Variants in CDH13 observed in about 807,000 individuals in gnomAD.
CDH13 encodes the protein cadherin-13.
Under a neutral mutation model 63.8 loss-of-function variants are expected in CDH13, and 24 were observed. The observed-to-expected ratio is 0.38, with a 90% CI of 0.27 to 0.53. The LOEUF (loss-of-function observed/expected upper bound fraction) is 0.53. Among genes scored for constraint, CDH13 ranks in the 20% least tolerant of loss-of-function variants. The pLI is 0.85. For missense variants in CDH13, 1,049 were observed against 903.1 expected (o/e 1.16, Z -2.07); for synonymous variants, 503 against 355.3 (o/e 1.42, Z -4.67).
Position 83,203,219 on chromosome 16 carries a change from C to T in CDH13, c.484-14126C>T, listed in dbSNP as rs748932762. On this transcript the variant is annotated intron_variant, in intron 4 of 13. Coordinates refer to ENST00000567109, the MANE Select transcript of CDH13 (RefSeq NM_001257.5). ...AGCCTGGGCAACAAGAGCAAAACCC[C>T]GTCTCAAAAAACAAACAAACAAAAA... Among the ~76,000 whole-genome samples, 9 of 151,876 alleles carry T rather than the reference C, an allele frequency of 5.9e-5. 1 individual carries two copies. Among genetic ancestry groups the T allele is most frequent in the Middle Eastern group, 6.8e-3 (2 of 294 alleles).
rs10527714 is a variant in CDH13, at chr16:82,909,252, A to ATGTGTGTGTGTGTG, written c.157+50807_157+50820dup. Among the ~76,000 whole-genome samples, 1,340 of 146,912 alleles carry ATGTGTGTGTGTGTG rather than the reference A, an allele frequency of 9.1e-3. 17 individuals carry two copies. The highest frequency in any genetic ancestry group is 0.025 in the African/African-American group (1,015 of 39,896). On this transcript the variant is annotated intron_variant, in intron 2 of 13. Transcript: ENST00000567109. ...CACAGAAACTGAGGACTGACTGTAT[A>ATGTGTGTGTGTGTG]TGTGTGTGTGTGTGTGTGTGTGTGT...
chr16:82,963,892 C>G (rs975584701), intron 2 of CDH13, among the ~76,000 whole-genome samples: 2 of 152,178 alleles, frequency 1.3e-5, no homozygotes, highest in East Asian at 1.9e-4. Flanking sequence ...AAAGCCAGGT[C>G]GGAGAATAGA....
intron 7 of CDH13, among the ~76,000 whole-genome samples, chr16:83,494,381 G>T (rs904644526): frequency 1.8e-4 from 28 of 152,272 alleles, no homozygotes; most frequent in African/African-American, 6.7e-4. Flanking sequence ...AGATTTTCCA[G>T]TTATTGAACT....
At chr16:83,086,104 C>T (rs774480955) in intron 3 of CDH13, among the ~76,000 whole-genome samples, 3 of 152,138 alleles carry the variant, frequency 2.0e-5, no homozygotes, top group Non-Finnish European at 2.9e-5. Context: ...AAGATGGTGG[C>T]CTAAGTGCAA....
intron 6 of CDH13, among the ~76,000 whole-genome samples, chr16:83,389,065 G>A (rs2091734405): frequency 6.6e-6 from 1 of 152,306 alleles, no homozygotes; most frequent in East Asian, 1.9e-4. Flanking sequence ...GGCTTAACAT[G>A]TGCCCCAGTG....
chr16:82,751,264 G>T (rs1018264270), intron 1 of CDH13, among the ~76,000 whole-genome samples: 2 of 152,190 alleles, frequency 1.3e-5, no homozygotes, highest in African/African-American at 4.8e-5. Flanking sequence ...GAGGGCCCAT[G>T]CGTGCGAGTT....
At chr16:82,661,615 C>G (rs371429674) in intron 1 of CDH13, among the ~76,000 whole-genome samples, 4 of 152,192 alleles carry the variant, frequency 2.6e-5, no homozygotes, top group African/African-American at 9.7e-5. Flanking sequence ...CTGTGCAACT[C>G]CAAAAGGATG....
At chr16:82,987,365 G>GT (rs1314860247) in intron 2 of CDH13, among the ~76,000 whole-genome samples, 3 of 151,866 alleles carry the variant, frequency 2.0e-5, no homozygotes, top group Non-Finnish European at 2.9e-5. Flanking sequence ...GTTTTGTTTT[G>GT]TTTGTTTGTT....
chr16:82,785,351 A>G (rs1212473951), intron 1 of CDH13, among the ~76,000 whole-genome samples: 3 of 152,168 alleles, frequency 2.0e-5, no homozygotes, highest in Admixed American at 6.5e-5. Context: ...CTGCAGTTTT[A>G]TGGCCTTCTT....
intron 1 of CDH13, among the ~76,000 whole-genome samples, chr16:82,720,023 A>C (rs1437110474): frequency 6.6e-6 from 1 of 152,216 alleles, no homozygotes; most frequent in Non-Finnish European, 1.5e-5. Flanking sequence ...GGTCACAAAA[A>C]CATTACCAAA....
At chr16:83,434,192 A>G (rs529899618) in intron 6 of CDH13, among the ~76,000 whole-genome samples, 16 of 152,258 alleles carry the variant, frequency 1.1e-4, no homozygotes, top group African/African-American at 3.9e-4. Flanking sequence ...ATTGTCCAGC[A>G]TCTCAACGAA....
chr16:83,099,996 C>G (rs751557302), intron 3 of CDH13, among the ~76,000 whole-genome samples: 5 of 152,124 alleles, frequency 3.3e-5, no homozygotes, highest in Non-Finnish European at 5.9e-5. Flanking sequence ...CATGCAGTCA[C>G]AATCTCTGTT....
intron 1 of CDH13, among the ~76,000 whole-genome samples, 176 bp downstream of exon 1, chr16:82,627,313 C>G (rs1045149008): frequency 2.0e-5 from 3 of 150,454 alleles, no homozygotes; most frequent in African/African-American, 7.3e-5. Context: ...GCACCCCCCA[C>G]ACACAGGCTC....
At chr16:83,497,988 C>G (rs996718904) in intron 7 of CDH13, among the ~76,000 whole-genome samples, 1 of 152,244 alleles carries the variant, frequency 6.6e-6, no homozygotes, top group Admixed American at 6.5e-5. Context: ...CATTAAGAAA[C>G]AGGCAACCTC....
rs377201603 is a variant in CDH13 at position 83,037,347 on chromosome 16, C to A, written c.366+5129C>A. On this transcript the variant is annotated intron_variant, in intron 3 of 13. Coordinates refer to ENST00000567109, the MANE Select transcript of CDH13 (RefSeq NM_001257.5). ...AATGAGATTGAAATTCTGGCCTCTG[C>A]CTAAATACCCATTCTCCTTCCTGCC... Among the ~76,000 whole-genome samples, 57 of 152,254 alleles carry A rather than the reference C, an allele frequency of 3.7e-4. 1 individual carries two copies. The highest frequency in any genetic ancestry group is 1.3e-3 in the African/African-American group (54 of 41,546).
intron 10 of CDH13, among the ~76,000 whole-genome samples, chr16:83,701,040 C>A (rs1906143477): frequency 6.6e-6 from 1 of 152,158 alleles, no homozygotes; most frequent in African/African-American, 2.4e-5. Context: ...TGGCCCTGAG[C>A]TGGGGGATTC....
At chr16:83,118,165 A>T (rs571608448) in intron 3 of CDH13, among the ~76,000 whole-genome samples, 1 of 152,228 alleles carries the variant, frequency 6.6e-6, no homozygotes, top group Non-Finnish European at 1.5e-5. Flanking sequence ...TGTGGGGGGA[A>T]TCCCACAAGT....
At chr16:82,884,938 C>T (rs1208156260) in intron 2 of CDH13, among the ~76,000 whole-genome samples, 1 of 152,168 alleles carries the variant, frequency 6.6e-6, no homozygotes, top group Non-Finnish European at 1.5e-5. Flanking sequence ...AAAGCTCTTT[C>T]TTTTGGGGAG....
At chr16:83,490,200 C>G (rs1275197561) in intron 7 of CDH13, among the ~76,000 whole-genome samples, 1 of 152,148 alleles carries the variant, frequency 6.6e-6, no homozygotes, top group East Asian at 1.9e-4. Context: ...TCCATTTAGT[C>G]AATTTCCTTT....
Sources: allele counts gnomAD v4.1 joint callset (sites outside exome capture counted in the v4.1 genomes callset), GRCh38; gene constraint gnomAD v4.1.1; transcripts MANE v1.5; gene names NCBI Gene and HGNC (gene_info 2026-07-23, HGNC 2026-07-21).